Variants in GIN1 observed in about 807,000 individuals in gnomAD.
GIN1 encodes gypsy retrotransposon integrase-like protein 1.
In GIN1, 41 loss-of-function variants were observed where a neutral mutation model predicts 51.4. That is an observed-to-expected ratio of 0.80 (90% CI 0.62 to 1.04). The LOEUF (loss-of-function observed/expected upper bound fraction) is 1.04. GIN1 is among the 50% of genes least tolerant of loss of function. The probability of loss-of-function intolerance (pLI) is 0.00; values close to 1 mark genes in which losing one functional copy is unlikely to be tolerated. For synonymous variants in GIN1, 222 were observed against 206.5 expected (o/e 1.07, Z -0.64); for missense variants, 610 against 612.4 (o/e 1.00, Z 0.04).
chr5:103,115,585 G>C (rs1216156346), intron 1 of GIN1, among the ~76,000 whole-genome samples: 1 of 152,082 alleles, frequency 6.6e-6, no homozygotes, highest in Non-Finnish European at 1.5e-5. Flanking sequence ...AAAATGAAAA[G>C]AGTTCTTGGG....
rs185431889 is a variant in GIN1 at position 103,088,478 on chromosome 5, G to T, written c.1295-306C>A. 1.0e-3 allele frequency among the ~76,000 whole-genome samples: 156 copies of T among 152,250 alleles called. No homozygotes were observed. In the South Asian group the frequency reaches 0.014, roughly 13 times the overall value. On this transcript the variant is annotated intron_variant, in intron 7 of 7. Coordinates refer to ENST00000399004, the MANE Select transcript of GIN1 (RefSeq NM_017676.2). ...GCGGACAACGGGATAGAAGGAGTGAGAATTATGGTATAGATTAAAAATAAA... is the reference window on the plus strand; with the variant it reads ...GCGGACAACGGGATAGAAGGAGTGATAATTATGGTATAGATTAAAAATAAA...
Position 103,088,098 on chromosome 5 carries a change from C to G in GIN1, c.1369G>C (p.Ala457Pro). The stretch of plus-strand genomic sequence containing the variant: ...TCCACCAGAATATTTGCTTGATATG[C>G]TCCAATCGGAATTTCAGGCAATCCA... ...YIGLPEIPIG[A>P]YQANILVEDA... The change falls in exon 8 of 8, where the codon GCA becomes CCA. Residue 457 changes from alanine to proline, a missense_variant. Physicochemically the swap from Ala to Pro is conservative, Grantham distance 27. Coordinates refer to ENST00000399004, the MANE Select transcript of GIN1 (RefSeq NM_017676.2). The G allele has an allele frequency of 1.2e-6, 2 of 1,608,682 alleles. No homozygotes were observed. The highest frequency in any genetic ancestry group is 2.2e-5 in the South Asian group (2 of 90,886).
intron 4 of GIN1, among the ~76,000 whole-genome samples, chr5:103,103,956 A>AT (rs781932834): frequency 2.0e-5 from 3 of 150,956 alleles, no homozygotes; most frequent in Admixed American, 6.6e-5. Context: ...CACCTGGCTA[A>AT]TTTTTTTTTC....
intron 1 of GIN1, among the ~76,000 whole-genome samples, chr5:103,112,254 T>A (rs1326190377): frequency 3.3e-5 from 5 of 152,190 alleles, no homozygotes; most frequent in Non-Finnish European, 5.9e-5. Flanking sequence ...ATTTTCATAT[T>A]TCACAAATGC....
intron 4 of GIN1, among the ~76,000 whole-genome samples, chr5:103,101,279 C>T (rs1276922019): frequency 6.6e-6 from 1 of 152,126 alleles, no homozygotes; most frequent in African/African-American, 2.4e-5. Flanking sequence ...TGAAGATATG[C>T]TAGACAAAGA....
intron 1 of GIN1, among the ~76,000 whole-genome samples, chr5:103,116,634 G>A (rs1235319123): frequency 6.6e-6 from 1 of 151,884 alleles, no homozygotes; most frequent in African/African-American, 2.4e-5. Context: ...ATTCCTTAAA[G>A]AACTGCTAAA....
intron 1 of GIN1, 56 bp from the exon 2 acceptor site, chr5:103,108,770 T>A: frequency 1.2e-5 from 13 of 1,096,886 alleles, no homozygotes; most frequent in Non-Finnish European, 1.5e-5. Context: ...TGAATTGCTA[T>A]TTCAGTTAAG....
intron 1 of GIN1, among the ~76,000 whole-genome samples, chr5:103,109,158 TTTC>T (rs1244083759): frequency 1.3e-5 from 2 of 152,038 alleles, no homozygotes; most frequent in African/African-American, 2.4e-5. Flanking sequence ...TTCATGGTTA[TTTC>T]TTCTTCTTGT....
Position 103,106,752 on chromosome 5 carries a change from A to G in GIN1, c.297T>C (p.Tyr99=), listed in dbSNP as rs1787736131. 6.2e-7 allele frequency: 1 copy of G among 1,600,746 alleles called. No individual in the cohort carries two copies. The change falls in exon 3 of 8, where the codon TAT becomes TAC. Residue 99 remains tyrosine, a synonymous_variant. Transcript: ENST00000399004. ...CATCATTGGTCACAGATGTCCAATA[A>G]TAATTGGATTCTACCAGAGTGAGGG... ...SRTLTLVESN[Y]YWTSVTNDVK...
At chr5:103,088,219 A>T in intron 7 of GIN1, 47 bp from the exon 8 acceptor site, 1 of 1,153,180 alleles carries the variant, frequency 8.7e-7, no homozygotes, top group Non-Finnish European at 1.2e-6. Context: ...TTATAATTAA[A>T]CATATTTTTT....
chr5:103,117,750 G>A (rs1554197544), intron 1 of GIN1, among the ~76,000 whole-genome samples: 1 of 152,046 alleles, frequency 6.6e-6, no homozygotes, highest in Non-Finnish European at 1.5e-5. Flanking sequence ...AATCCTCACA[G>A]TACTTCATGA....
At chr5:103,097,553 A>G (rs1554195260) in intron 5 of GIN1, 37 bp downstream of exon 5, 1 of 1,513,308 alleles carries the variant, frequency 6.6e-7, no homozygotes, top group Non-Finnish European at 9.1e-7. Context: ...AGAAATAGTC[A>G]TAACTCAGAA....
rs1554195264 is a variant in GIN1, at chr5:103,097,572, T to C, written c.831+18A>G. Reference sequence around the variant, plus strand: ...ATAGTCATAACTCAGAAGTACAGAATTATAAAAAGGCACATACCAAGTGAG... The same window carrying C: ...ATAGTCATAACTCAGAAGTACAGAACTATAAAAAGGCACATACCAAGTGAG... On this transcript the variant is annotated intron_variant, in intron 5 of 7. Coordinates refer to ENST00000399004, the MANE Select transcript of GIN1 (RefSeq NM_017676.2). 2 of 1,555,390 alleles carry C rather than the reference T, an allele frequency of 1.3e-6. No homozygotes were observed. Among genetic ancestry groups the C allele is most frequent in the Non-Finnish European group, 1.8e-6 (2 of 1,128,468 alleles).
intron 6 of GIN1, 92 bp from the exon 7 acceptor site, chr5:103,096,918 G>A (rs1787412065): frequency 1.3e-6 from 1 of 774,116 alleles, no homozygotes; most frequent in Non-Finnish European, 2.1e-6. Context: ...TAACAAAATG[G>A]TACTTGAGAT....
In GIN1 at chr5:103,104,714, T is replaced by C. The variant is rs1554196096; in HGVS notation, c.466A>G (p.Arg156Gly). ...ATGATTATAGCATATACATGACTTC[T>C]GTTGCTTGTATGAAAAGGCCCCATC... is the stretch of plus-strand genomic sequence containing the variant. ...DLMGPFHTSN[R>G]SHVYAIIMTD... Residue 156 changes from arginine (R) to glycine (G), a missense_variant, in exon 4 of 8, where the codon AGA becomes GGA. Arg to Gly is a moderately radical substitution (Grantham distance 125). Transcript: ENST00000399004. 1 of 1,613,080 alleles carries C rather than the reference T, an allele frequency of 6.2e-7. No homozygotes were observed. Among genetic ancestry groups the C allele is most frequent in the South Asian group, 1.1e-5 (1 of 91,062 alleles).
chr5:103,116,006 C>T (rs1195729224), intron 1 of GIN1, among the ~76,000 whole-genome samples: 1 of 152,086 alleles, frequency 6.6e-6, no homozygotes, highest in Non-Finnish European at 1.5e-5. Context: ...ATGCAGAAAG[C>T]TGGAGTAACT....
intron 1 of GIN1, among the ~76,000 whole-genome samples, chr5:103,111,560 A>C (rs1554196922): frequency 6.6e-6 from 1 of 152,134 alleles, no homozygotes; most frequent in Non-Finnish European, 1.5e-5. Context: ...AAAACTCCTG[A>C]AGGACCTTAA....
chr5:103,118,407 A>G (rs1788122284), intron 1 of GIN1, among the ~76,000 whole-genome samples: 1 of 152,188 alleles, frequency 6.6e-6, no homozygotes, highest in African/African-American at 2.4e-5. Context: ...AAGTAACATA[A>G]AACCCTTTCT....
intron 2 of GIN1, among the ~76,000 whole-genome samples, chr5:103,108,198 C>T (rs1212277310): frequency 1.3e-5 from 2 of 151,972 alleles, no homozygotes; most frequent in Non-Finnish European, 2.9e-5. Flanking sequence ...AGTAAACAAA[C>T]CAGTTAACTT....
Sources: gnomAD v4.1 joint callset for allele counts (sites outside exome capture counted in the v4.1 genomes callset) on GRCh38, gnomAD v4.1.1 for gene constraint, MANE v1.5 for transcripts, NCBI Gene and HGNC (gene_info 2026-07-23, HGNC 2026-07-21) for gene names.